The following SNUPN variants were observed in gnomAD, a reference collection of about 807,000 sequenced individuals.
SNUPN encodes the protein snurportin-1.
SNUPN carries 31 observed loss-of-function variants against 39.2 expected under a neutral mutation model. The observed-to-expected ratio is 0.79, with a 90% confidence interval of 0.59 to 1.07. The LOEUF (loss-of-function observed/expected upper bound fraction) is 1.07. SNUPN is among the 50% of genes least tolerant of loss of function. The pLI is 0.00. For missense variants in SNUPN, 382 were observed against 434.2 expected (o/e 0.88, Z 1.07); for synonymous variants, 132 against 159.0 (o/e 0.83, Z 1.28).
At chr15:75,626,043 A>G (rs1194971456), upstream of SNUPN, 1 of 152,134 alleles carries the variant, frequency 6.6e-6, no homozygotes, top group Non-Finnish European at 1.5e-5. Context: ...CGGGCATTCA[A>G]CGCCCTGGGC....
At chr15:75,619,430 C>A (rs1410006837) in intron 2 of SNUPN, among the ~76,000 whole-genome samples, 1 of 151,972 alleles carries the variant, frequency 6.6e-6, no homozygotes, top group Non-Finnish European at 1.5e-5. Flanking sequence ...TCAGTTGAGC[C>A]TAGGAGTTCA....
chr15:75,626,273 T>G (rs1893225978), upstream of SNUPN: 1 of 152,284 alleles, frequency 6.6e-6, no homozygotes, highest in African/African-American at 2.4e-5. Flanking sequence ...TTTGCGAGCT[T>G]CTTTCCCACT....
chr15:75,623,266 TC>T (rs1305080107), intron 1 of SNUPN, among the ~76,000 whole-genome samples: 2 of 152,136 alleles, frequency 1.3e-5, no homozygotes, highest in Admixed American at 1.3e-4. Context: ...TGCCTCAGCC[TC>T]CCGCGTAGCT....
intron 1 of SNUPN, chr15:75,624,819 C>T (rs1210855504): frequency 1.5e-5 from 15 of 1,001,496 alleles, no homozygotes; most frequent in Admixed American, 2.7e-5. Context: ...GTTGCCCAGG[C>T]TGGAGTGCAG....
intron 8 of SNUPN, 66 bp from the exon 9 acceptor site, chr15:75,598,747 T>A: frequency 7.6e-7 from 1 of 1,308,222 alleles, no homozygotes; most frequent in Non-Finnish European, 1.1e-6. Context: ...GGAGAGCCTA[T>A]ACACACAAGG....
intron 8 of SNUPN, 181 bp downstream of exon 8, chr15:75,600,957 T>C (rs888771289): frequency 9.0e-6 from 5 of 553,832 alleles, no homozygotes; most frequent in Non-Finnish European, 1.7e-5. Flanking sequence ...TTCTGACTTA[T>C]CCAGCATGGG....
At chr15:75,608,181 A>G (rs1892682186) in intron 5 of SNUPN, among the ~76,000 whole-genome samples, 1 of 152,156 alleles carries the variant, frequency 6.6e-6, no homozygotes, top group Non-Finnish European at 1.5e-5. Flanking sequence ...CAGGAGTTTC[A>G]GACCAGCCTG....
rs2075331042 is a variant in SNUPN, at chr15:75,606,349, TG to T, written c.600+866del. 3.9e-5 allele frequency among the ~76,000 whole-genome samples: 6 copies of T among 152,250 alleles called. No individual in the cohort carries two copies. In the South Asian group the frequency reaches 1.2e-3, roughly 32 times the overall value. ...GAATGGCTTAGAAAGAAGCAGCCTATGGTGACAGCCTGCATGAAGATCACTG... is the reference window on the plus strand; with the variant it reads ...GAATGGCTTAGAAAGAAGCAGCCTATGTGACAGCCTGCATGAAGATCACTG... On this transcript the variant is annotated intron_variant, in intron 6 of 8. Transcript: ENST00000308588.
At chr15:75,599,235 T>C (rs763149588) in intron 8 of SNUPN, among the ~76,000 whole-genome samples, 2 of 152,156 alleles carry the variant, frequency 1.3e-5, no homozygotes, top group Non-Finnish European at 2.9e-5. Context: ...AGTGCTTTCC[T>C]GCCCACTATT....
chr15:75,610,428 C>T (rs1160543535), intron 3 of SNUPN, among the ~76,000 whole-genome samples: 1 of 150,736 alleles, frequency 6.6e-6, no homozygotes, highest in Non-Finnish European at 1.5e-5. Context: ...AGAATGAGGG[C>T]AGAAAAGGCT....
intron 7 of SNUPN, among the ~76,000 whole-genome samples, chr15:75,603,237 C>T (rs148510204): frequency 0.17 from 25,711 of 148,806 alleles, 2,953 homozygotes; most frequent in Non-Finnish European, 0.25. Context: ...TTAGTAGAGA[C>T]GGGGTTTCAC....
intron 6 of SNUPN, among the ~76,000 whole-genome samples, chr15:75,606,808 T>C (rs572178209): frequency 6.6e-6 from 1 of 152,194 alleles, no homozygotes; most frequent in East Asian, 1.9e-4. Context: ...AGGAGTCTAG[T>C]AGATGGTGAC....
intron 6 of SNUPN, 76 bp from the exon 7 acceptor site, chr15:75,605,303 CTAT>C: frequency 3.4e-6 from 3 of 888,800 alleles, no homozygotes; most frequent in Non-Finnish European, 3.4e-6. Context: ...ACACCCCATG[CTAT>C]TTTTTTTTTT....
At chr15:75,599,125 C>T (rs1263358815) in intron 8 of SNUPN, among the ~76,000 whole-genome samples, 2 of 151,558 alleles carry the variant, frequency 1.3e-5, no homozygotes, top group African/African-American at 2.4e-5. Flanking sequence ...GCTGAGACTG[C>T]ACCACTGCAC....
chr15:75,621,308 C>T (rs988227244), intron 1 of SNUPN, among the ~76,000 whole-genome samples: 7 of 144,220 alleles, frequency 4.9e-5, no homozygotes, highest in Non-Finnish European at 7.5e-5. Context: ...TCACCCAGGT[C>T]GGAGTGTAGT....
intron 3 of SNUPN, among the ~76,000 whole-genome samples, chr15:75,610,445 G>A (rs1892750786): frequency 6.6e-6 from 1 of 151,630 alleles, no homozygotes. Context: ...GGCTGACAGT[G>A]GCACCTCCAC....
intron 8 of SNUPN, 148 bp from the exon 9 acceptor site, chr15:75,598,829 C>T (rs151268615): frequency 1.6e-4 from 90 of 563,440 alleles, no homozygotes; most frequent in Non-Finnish European, 1.9e-4. Context: ...TCACACATGC[C>T]GTTTCTCTAA....
At chr15:75,600,926 A>G in intron 8 of SNUPN, 1 of 487,686 alleles carries the variant, frequency 2.1e-6, no homozygotes, top group Non-Finnish European at 3.8e-6. Flanking sequence ...CTGTCCATTA[A>G]GGGCCCTTCC....
At chr15:75,608,082 C>G (rs1215542557) in intron 5 of SNUPN, among the ~76,000 whole-genome samples, 1 of 152,068 alleles carries the variant, frequency 6.6e-6, no homozygotes, top group Non-Finnish European at 1.5e-5. Flanking sequence ...TAAACGCCAA[C>G]AGAGAAGTCA....
Sources: allele counts gnomAD v4.1 joint callset (sites outside exome capture counted in the v4.1 genomes callset), GRCh38; gene constraint gnomAD v4.1.1; transcripts MANE v1.5; gene names NCBI Gene and HGNC (gene_info 2026-07-23, HGNC 2026-07-21).